The following PUM2 variants were observed in gnomAD, a reference collection of about 807,000 sequenced individuals.
PUM2 encodes pumilio homolog 2.
A neutral mutation model predicts 124.5 loss-of-function variants in PUM2; 57 were observed. The observed-to-expected ratio is 0.46, with a 90% CI of 0.37 to 0.57. PUM2 has a LOEUF of 0.57. PUM2 is among the 20% of genes least tolerant of loss of function. PUM2 has a pLI of 0.00. For missense variants in PUM2, 1,065 were observed against 1,290.6 expected (o/e 0.83, Z 2.68); for synonymous variants, 460 against 446.1 (o/e 1.03, Z -0.39).
intron 13 of PUM2, among the ~76,000 whole-genome samples, chr2:20,272,152 G>A (rs1477702318): frequency 1.7e-5 from 2 of 118,566 alleles, no homozygotes; most frequent in African/African-American, 3.1e-5. Flanking sequence ...GCAAGACTTC[G>A]TCAAATGAAT....
At chr2:20,346,315 T>C (rs995341585) in intron 1 of PUM2, among the ~76,000 whole-genome samples, 1 of 152,228 alleles carries the variant, frequency 6.6e-6, no homozygotes, top group African/African-American at 2.4e-5. Flanking sequence ...CTTAATAAAC[T>C]AACTTAAAAA....
intron 2 of PUM2, among the ~76,000 whole-genome samples, chr2:20,321,827 T>G (rs978072357): frequency 2.0e-5 from 3 of 152,114 alleles, no homozygotes; most frequent in African/African-American, 7.2e-5. Context: ...TCACAAACTC[T>G]AAAAGAAGGT....
intron 1 of PUM2, chr2:20,331,969 A>G (rs1572971642): frequency 6.6e-6 from 1 of 152,218 alleles, no homozygotes; most frequent in Non-Finnish European, 1.5e-5. Context: ...ATGAGCACAG[A>G]TATGTCCCAA....
At chr2:20,253,107 G>A (rs741190) in intron 20 of PUM2, among the ~76,000 whole-genome samples, 3,775 of 152,166 alleles carry the variant, frequency 0.025, 66 homozygotes, top group Non-Finnish European at 0.036. Flanking sequence ...AGTTACTGAC[G>A]GGCAACTGTA....
At position 20,336,810 on chromosome 2, in the gene PUM2, C is replaced by T. The variant is rs1309708712; in HGVS notation, c.-18-9432G>A. On this transcript the variant is annotated intron_variant, in intron 1 of 20. Transcript: ENST00000361078. ...TGTGTGTGTGTGTGTGTGGTACAGA[C>T]GGGGTCTCACCATGTTGCCCAGGCT... 7.7e-5 allele frequency among the ~76,000 whole-genome samples: 11 copies of T among 141,950 alleles called. No homozygotes were observed. The Admixed American group carries it at 7.9e-4, about 10-fold the overall frequency. 93.1% of individuals were successfully genotyped at this position (141,950 alleles called of 152,430 possible). A position where few individuals can be genotyped will look rare whatever the true frequency, so the allele number is the denominator to read the frequency against.
At chr2:20,347,823 G>A (rs550647959) in intron 1 of PUM2, among the ~76,000 whole-genome samples, 1 of 152,292 alleles carries the variant, frequency 6.6e-6, no homozygotes, top group Non-Finnish European at 1.5e-5. Context: ...GACAACTACT[G>A]TCCTCTGGAA....
At chr2:20,276,834 A>T (rs1670383967) in intron 13 of PUM2, among the ~76,000 whole-genome samples, 1 of 152,098 alleles carries the variant, frequency 6.6e-6, no homozygotes, top group Non-Finnish European at 1.5e-5. Context: ...GCTAATTCCA[A>T]TCAGAGGTGT....
chr2:20,255,341 C>A lies in PUM2; in HGVS notation c.2623G>T (p.Val875Leu), dbSNP rs1664520290. The change falls in exon 18 of 21, where the codon GTA (valine) becomes TTA (leucine). Residue 875 changes from valine (V) to leucine (L), a missense_variant and splice_region_variant. Transcript: ENST00000361078. Reference sequence around the variant, plus strand: ...TAAGGATGAGTTGAAAGCACAAATACCTGAGGACAATTAGAAGAATTAAAA... The same window carrying A: ...TAAGGATGAGTTGAAAGCACAAATAACTGAGGACAATTAGAAGAATTAAAA... ...QFIIDAFKGQVFVLSTHPYGC... is the reference protein window; with the variant it reads ...QFIIDAFKGQLFVLSTHPYGC... The A allele has an allele frequency of 1.2e-6, 2 of 1,610,746 alleles. No individual in the cohort carries two copies. The highest frequency in any genetic ancestry group is 1.1e-5 in the South Asian group (1 of 90,922).
intron 1 of PUM2, 190 bp downstream of exon 1, chr2:20,350,407 A>C (rs1573073151): frequency 3.8e-6 from 3 of 795,594 alleles, no homozygotes; most frequent in East Asian, 1.3e-4. Context: ...GCACGCGCAC[A>C]CCCCCTTCCG....
intron 3 of PUM2, among the ~76,000 whole-genome samples, chr2:20,314,389 T>C (rs1161636807): frequency 6.6e-6 from 1 of 152,232 alleles, no homozygotes; most frequent in Non-Finnish European, 1.5e-5. Flanking sequence ...AATTATTCAT[T>C]TGATATATTT....
chr2:20,264,561 G>A lies in PUM2; in HGVS notation c.1958-1101C>T, dbSNP rs192861244. Among the ~76,000 whole-genome samples the A allele has an allele frequency of 2.6e-3, 386 of 151,160 alleles. 4 individuals carry two copies. Among genetic ancestry groups the A allele is most frequent in the East Asian group, 0.022 (115 of 5,144 alleles). ...ATAGAAATAAAAATAAATACATGCAGGAAATTTTTAAAATTACAATTAACA... is the reference window on the plus strand; with the variant it reads ...ATAGAAATAAAAATAAATACATGCAAGAAATTTTTAAAATTACAATTAACA... On this transcript the variant is annotated intron_variant, in intron 13 of 20. Transcript: ENST00000361078.
chr2:20,275,598 G>A (rs540072635), intron 13 of PUM2, among the ~76,000 whole-genome samples: 13 of 152,148 alleles, frequency 8.5e-5, no homozygotes, highest in Admixed American at 8.5e-4. Context: ...TCTCACAATG[G>A]AGACAACCAA....
intron 7 of PUM2, among the ~76,000 whole-genome samples, chr2:20,306,605 T>A (rs1006359972): frequency 1.1e-3 from 130 of 114,156 alleles, no homozygotes; most frequent in African/African-American, 5.3e-3. Context: ...AAATGTGGAC[T>A]TTTTTTTTTT....
intron 13 of PUM2, among the ~76,000 whole-genome samples, chr2:20,264,426 A>T (rs1572590513): frequency 7.2e-6 from 1 of 138,496 alleles, no homozygotes; most frequent in Admixed American, 7.6e-5. Context: ...TTCACAAACA[A>T]TAGTATTAAT....
Position 20,263,363 on chromosome 2 carries a change from G to A in PUM2, c.2055C>T (p.Ser685=). Residue 685 remains serine (S), a synonymous_variant, in exon 14 of 21, where the codon TCC becomes TCT. Transcript: ENST00000361078. The stretch of plus-strand genomic sequence containing the variant: ...GGGAAGGAGGAAAGAGCTGGCTGCT[G>A]GAGCTAAATAGACTGGAAGTGCTTG... ...SASSTSSLFS[S]SSQLFPPSRL... 6.2e-7 allele frequency: 1 copy of A among 1,614,168 alleles called. No individual in the cohort carries two copies. Among genetic ancestry groups the A allele is most frequent in the Non-Finnish European group, 8.5e-7 (1 of 1,180,010 alleles).
At chr2:20,263,772 C>A (rs1430028890) in intron 13 of PUM2, among the ~76,000 whole-genome samples, 1 of 152,114 alleles carries the variant, frequency 6.6e-6, no homozygotes. Flanking sequence ...AAACTACCAA[C>A]AAAATTTTCA....
chr2:20,278,742 T>G lies in PUM2; in HGVS notation c.1798A>C (p.Ser600Arg), dbSNP rs1670829128. 6.2e-7 allele frequency: 1 copy of G among 1,613,688 alleles called. No homozygotes were observed. The highest frequency in any genetic ancestry group is 1.3e-5 in the African/African-American group (1 of 74,972). ...TSSDLYKRSSSSLAPIGQPFY... is the reference protein window; with the variant it reads ...TSSDLYKRSSRSLAPIGQPFY... ...GGTTGCCCTATGGGTGCTAGGCTGC[T>G]ACTAGATCTTTTGTACAAGTCAGAG... Residue 600 changes from serine to arginine, a missense_variant, in exon 13 of 21, where the codon AGC becomes CGC. Ser to Arg is a moderately radical substitution (Grantham distance 110). Coordinates refer to ENST00000361078, the MANE Select transcript of PUM2 (RefSeq NM_015317.5).
At chr2:20,271,823 G>C (rs1196741267) in intron 13 of PUM2, among the ~76,000 whole-genome samples, 1 of 152,116 alleles carries the variant, frequency 6.6e-6, no homozygotes. Flanking sequence ...GTGAAACATA[G>C]GAAACATGGT....
intron 1 of PUM2, among the ~76,000 whole-genome samples, chr2:20,344,669 A>G (rs1354913981): frequency 6.6e-6 from 1 of 152,016 alleles, no homozygotes; most frequent in Non-Finnish European, 1.5e-5. Context: ...TCTCGGGACT[A>G]AATTAACTTC....
Sources: allele counts gnomAD v4.1 joint callset (sites outside exome capture counted in the v4.1 genomes callset), GRCh38; gene constraint gnomAD v4.1.1; transcripts MANE v1.5; gene names NCBI Gene and HGNC (gene_info 2026-07-23, HGNC 2026-07-21).